Variants in C2CD5 observed in about 807,000 individuals in gnomAD.
C2CD5 encodes C2 domain-containing protein 5.
Under a neutral mutation model 130.3 loss-of-function variants are expected in C2CD5, and 109 were observed. That is an observed-to-expected ratio of 0.84 (90% CI 0.72 to 0.98). C2CD5 has a LOEUF of 0.98. C2CD5 is among the 50% of genes least tolerant of loss of function. The pLI, the probability that C2CD5 is intolerant of heterozygous loss-of-function variation, is 0.00. For missense variants in C2CD5, 996 were observed against 1,261.8 expected (o/e 0.79, Z 3.19); for synonymous variants, 454 against 429.2 (o/e 1.06, Z -0.71).
chr12:22,458,659 C>T, intron 23 of C2CD5, 74 bp from the exon 24 acceptor site: 2 of 523,768 alleles, frequency 3.8e-6, no homozygotes, highest in Non-Finnish European at 5.9e-6. Context: ...CTCGTCTTAA[C>T]ACTCCTTTCG....
chr12:22,469,762 G>A lies in C2CD5; in HGVS notation c.2480C>T (p.Pro827Leu), dbSNP rs1266495272. ...STDNEELLQF[P>L]LELCSDSLPS... is the part of the protein sequence containing the mutation. The stretch of plus-strand genomic sequence containing the variant: ...AAGTGAATCTGAACACAGTTCCAGT[G>A]GAAATTGTAAAAGTTCTTCATTATC... Residue 827 changes from proline to leucine, a missense_variant, in exon 22 of 27, where the codon CCA becomes CTA. Physicochemically the swap from Pro to Leu is moderately conservative, Grantham distance 98. Coordinates refer to ENST00000446597, the MANE Select transcript of C2CD5 (RefSeq NM_001286176.2). The A allele has an allele frequency of 6.2e-7, 1 of 1,604,416 alleles. No individual in the cohort carries two copies. The highest frequency in any genetic ancestry group is 8.5e-7 in the Non-Finnish European group (1 of 1,175,326).
At chr12:22,489,862 G>A (rs917880626) in intron 12 of C2CD5, among the ~76,000 whole-genome samples, 1 of 152,048 alleles carries the variant, frequency 6.6e-6, no homozygotes, top group Non-Finnish European at 1.5e-5. Flanking sequence ...AAAAAAAATG[G>A]ACACCTGAAA....
intron 2 of C2CD5, among the ~76,000 whole-genome samples, chr12:22,538,330 T>C (rs1006397450): frequency 3.3e-5 from 5 of 152,216 alleles, no homozygotes; most frequent in East Asian, 1.9e-4. Context: ...AGTAACCATT[T>C]CCATGTCTTT....
In C2CD5 at chr12:22,458,555, T is replaced by C; in HGVS notation, c.2615A>G (p.Asp872Gly). 1 of 1,298,064 alleles carries C rather than the reference T, an allele frequency of 7.7e-7. No individual in the cohort carries two copies. Among genetic ancestry groups the C allele is most frequent in the Non-Finnish European group, 9.8e-7 (1 of 1,021,384 alleles). 80.4% of individuals were successfully genotyped at this position (1,298,064 alleles called of 1,614,324 possible). The stretch of plus-strand genomic sequence containing the variant: ...GAGCTCTATCCAGCTGCTGCATCTG[T>C]CTGCAAAGGAACTGTAATCAACTGA... ...ATSVDYSSFA[D>G]RCSSWIELIK... Residue 872 changes from aspartate to glycine, a missense_variant, in exon 24 of 27, where the codon GAC becomes GGC. Transcript: ENST00000446597.
At chr12:22,500,379 A>G (rs978917042) in intron 10 of C2CD5, among the ~76,000 whole-genome samples, 4 of 152,222 alleles carry the variant, frequency 2.6e-5, no homozygotes, top group African/African-American at 9.6e-5. Context: ...TAAATGCTAG[A>G]AGTTTGAGAA....
At chr12:22,525,952 G>A (rs975611499) in intron 4 of C2CD5, among the ~76,000 whole-genome samples, 7 of 152,080 alleles carry the variant, frequency 4.6e-5, no homozygotes, top group Non-Finnish European at 1.0e-4. Context: ...TCCAACTGTA[G>A]GCTAATATAA....
chr12:22,468,995 C>T (rs370444846), intron 22 of C2CD5, among the ~76,000 whole-genome samples: 1 of 152,234 alleles, frequency 6.6e-6, no homozygotes, highest in East Asian at 1.9e-4. Context: ...ACACATACTA[C>T]ATTTATCTAA....
chr12:22,518,414 A>G (rs1949967673), intron 7 of C2CD5, among the ~76,000 whole-genome samples: 1 of 152,232 alleles, frequency 6.6e-6, no homozygotes, highest in Non-Finnish European at 1.5e-5. Flanking sequence ...AAAAGGAGAA[A>G]TAAAAAGAAT....
intron 16 of C2CD5, among the ~76,000 whole-genome samples, chr12:22,474,475 A>T (rs1406658009): frequency 6.6e-6 from 1 of 152,140 alleles, no homozygotes; most frequent in East Asian, 1.9e-4. Flanking sequence ...AAGTTTACAA[A>T]AATAACTTCA....
At chr12:22,520,134 A>T (rs1950144553) in intron 7 of C2CD5, among the ~76,000 whole-genome samples, 1 of 152,176 alleles carries the variant, frequency 6.6e-6, no homozygotes, top group African/African-American at 2.4e-5. Context: ...TATACTACAT[A>T]AATAAGAATC....
intron 2 of C2CD5, among the ~76,000 whole-genome samples, chr12:22,541,846 T>A: frequency 6.6e-6 from 1 of 152,224 alleles, no homozygotes; most frequent in Admixed American, 6.5e-5. Flanking sequence ...CACTAAAATA[T>A]AAGCTGAATT....
At chr12:22,544,272 G>A in intron 1 of C2CD5, 48 bp downstream of exon 1, 1 of 871,410 alleles carries the variant, frequency 1.1e-6, no homozygotes, top group Non-Finnish European at 1.7e-6. Context: ...AGGAGCGCGC[G>A]GGGGCGCGCG....
chr12:22,467,517 G>T (rs756302724), intron 22 of C2CD5, among the ~76,000 whole-genome samples: 1 of 152,140 alleles, frequency 6.6e-6, no homozygotes, highest in African/African-American at 2.4e-5. Context: ...TTCAAAATGG[G>T]AATATGTTAA....
intron 15 of C2CD5, 46 bp from the exon 16 acceptor site, chr12:22,474,937 C>A: frequency 7.4e-7 from 1 of 1,359,390 alleles, no homozygotes; most frequent in East Asian, 2.6e-5. Context: ...TTGTCTTTTC[C>A]AGTTTAAATT....
At chr12:22,475,074 T>C (rs953881155) in intron 15 of C2CD5, among the ~76,000 whole-genome samples, 183 bp from the exon 16 acceptor site, 2 of 152,108 alleles carry the variant, frequency 1.3e-5, no homozygotes, top group Admixed American at 1.3e-4. Flanking sequence ...GCCTTAATGA[T>C]ACACGAATCA....
At chr12:22,475,612 A>G (rs1040491680) in intron 15 of C2CD5, among the ~76,000 whole-genome samples, 1 of 152,204 alleles carries the variant, frequency 6.6e-6, no homozygotes, top group African/African-American at 2.4e-5. Context: ...TTGCTGATGC[A>G]ACAGAATTGT....
chr12:22,523,751 A>C (rs1052966173), intron 6 of C2CD5, 127 bp from the exon 7 acceptor site: 2 of 679,870 alleles, frequency 2.9e-6, no homozygotes, highest in Non-Finnish European at 5.0e-6. Flanking sequence ...ACTTGAAGGA[A>C]ACTTAAAAGA....
chr12:22,450,504 T>G (rs1311558360), intron 26 of C2CD5, among the ~76,000 whole-genome samples: 1 of 152,050 alleles, frequency 6.6e-6, no homozygotes, highest in Non-Finnish European at 1.5e-5. Flanking sequence ...GACCTAAAGC[T>G]CAATCAATAT....
At chr12:22,469,317 C>G (rs921575076) in intron 22 of C2CD5, among the ~76,000 whole-genome samples, 3 of 151,846 alleles carry the variant, frequency 2.0e-5, no homozygotes, top group East Asian at 3.9e-4. Context: ...AAAAAAAAAG[C>G]ATTCTGTTGT....
Sources: allele counts gnomAD v4.1 joint callset (sites outside exome capture counted in the v4.1 genomes callset), GRCh38; gene constraint gnomAD v4.1.1; transcripts MANE v1.5; gene names NCBI Gene and HGNC (gene_info 2026-07-23, HGNC 2026-07-21).